CTNNA2: variants seen among roughly 807,000 people sequenced by gnomAD.
CTNNA2 encodes catenin alpha-2.
A neutral mutation model predicts 101.0 loss-of-function variants in CTNNA2; 42 were observed. That is an observed-to-expected ratio of 0.42 (90% confidence interval 0.32 to 0.54). The LOEUF (loss-of-function observed/expected upper bound fraction) is 0.54, where lower values mean the gene tolerates loss of function less well. Ranked by LOEUF, CTNNA2 falls within the 20% of genes least tolerant of loss-of-function variation. The pLI, the probability that CTNNA2 is intolerant of heterozygous loss-of-function variation, is 0.14. For missense variants in CTNNA2, 871 were observed against 1,223.1 expected, an observed-to-expected ratio of 0.71 and a Z score of 4.29; for synonymous variants, 450 against 456.4, an observed-to-expected ratio of 0.99 and a Z score of 0.18.
chr2:80,505,503 A>T (rs1688203932), intron 9 of CTNNA2, among the ~76,000 whole-genome samples: 1 of 152,226 alleles, frequency 6.6e-6, no homozygotes, highest in Non-Finnish European at 1.5e-5. Context: ...GATCATGCAT[A>T]TCAACAATTG....
At chr2:79,513,861 G>A (rs540675471) in intron 1 of CTNNA2, among the ~76,000 whole-genome samples, 1 of 152,238 alleles carries the variant, frequency 6.6e-6, no homozygotes, top group East Asian at 1.9e-4. Context: ...TTAAAATCCA[G>A]CCTTCCCTGC....
In CTNNA2 at chr2:80,075,634, ATGT is replaced by A. The variant is rs1558783528; in HGVS notation, c.1056+165838_1056+165840del. On this transcript the variant is annotated intron_variant, in intron 7 of 18. Coordinates refer to ENST00000402739, the MANE Select transcript of CTNNA2 (RefSeq NM_001282597.3). ...CATGTATAAATATAAATATTTATAC[ATGT>A]ATAAATATTATAAAAATAATATTTA... Among the ~76,000 whole-genome samples, 107 of 112,524 alleles carry A rather than the reference ATGT, an allele frequency of 9.5e-4. 8 individuals are homozygous for A. Among genetic ancestry groups the A allele is most frequent in the African/African-American group, 3.0e-3 (87 of 29,178 alleles). 73.8% of individuals were successfully genotyped at this position (112,524 alleles called of 152,430 possible).
chr2:79,294,592 T>C (rs1265688120), intron 2 of CTNNA2, among the ~76,000 whole-genome samples: 1 of 152,180 alleles, frequency 6.6e-6, no homozygotes, highest in Non-Finnish European at 1.5e-5. Context: ...ACTAACAAGA[T>C]ACCAAATAGA....
intron 7 of CTNNA2, among the ~76,000 whole-genome samples, chr2:80,003,312 A>T (rs1206475758): frequency 1.3e-5 from 2 of 151,936 alleles, no homozygotes; most frequent in Non-Finnish European, 2.9e-5. Flanking sequence ...CCTTTCATTG[A>T]TTCTGTTTTT....
intron 3 of CTNNA2, among the ~76,000 whole-genome samples, chr2:79,804,153 A>G (rs1191958915): frequency 6.6e-6 from 1 of 152,242 alleles, no homozygotes; most frequent in Non-Finnish European, 1.5e-5. Flanking sequence ...CAGATATGGG[A>G]AAACACACCT....
At chr2:79,330,144 G>A (rs1376926822) in intron 3 of CTNNA2, among the ~76,000 whole-genome samples, 1 of 151,232 alleles carries the variant, frequency 6.6e-6, no homozygotes, top group Non-Finnish European at 1.5e-5. Context: ...TGTGCTGAGA[G>A]GAGATCAGTC....
At chr2:79,555,836 T>A (rs1674411368) in intron 1 of CTNNA2, among the ~76,000 whole-genome samples, 1 of 152,258 alleles carries the variant, frequency 6.6e-6, no homozygotes, top group East Asian at 1.9e-4. Flanking sequence ...AAGACTGAGC[T>A]GAGTAAGTAA....
In CTNNA2 at chr2:80,347,838, C is replaced by CTTTTTTTT. The variant is rs778989197; in HGVS notation, c.1057-45369_1057-45368insTTTTTTTT. 1.9e-4 allele frequency among the ~76,000 whole-genome samples: 28 copies of CTTTTTTTT among 146,768 alleles called. 2 individuals are homozygous for CTTTTTTTT. The highest frequency in any genetic ancestry group is 6.2e-4 in the East Asian group (3 of 4,864). On this transcript the variant is annotated intron_variant, in intron 7 of 18. Transcript: ENST00000402739. ...CACATTATCTTTTCCTTTTTCTTTT[C>CTTTTTTTT]TTTTCTTTTTTTTTTTCCAGAAGGG... is the stretch of plus-strand genomic sequence containing the variant.
At chr2:79,255,455 C>G (rs1373789338) in intron 2 of CTNNA2, among the ~76,000 whole-genome samples, 3 of 152,168 alleles carry the variant, frequency 2.0e-5, no homozygotes, top group Non-Finnish European at 2.9e-5. Context: ...AGCTCTCAAT[C>G]TTTCGAATAG....
At chr2:80,162,383 T>C in intron 7 of CTNNA2, 11 of 1,408,026 alleles carry the variant, frequency 7.8e-6, no homozygotes, top group Non-Finnish European at 1.0e-5. Flanking sequence ...AACAAAATAT[T>C]TCCATATCAA....
At chr2:80,361,620 G>A (rs767200860) in intron 7 of CTNNA2, among the ~76,000 whole-genome samples, 2 of 152,028 alleles carry the variant, frequency 1.3e-5, no homozygotes, top group Non-Finnish European at 2.9e-5. Flanking sequence ...GACATGACAC[G>A]GTCACAACTA....
At chr2:79,469,662 A>G (rs1670977408) in intron 4 of CTNNA2, among the ~76,000 whole-genome samples, 1 of 152,226 alleles carries the variant, frequency 6.6e-6, no homozygotes, top group Admixed American at 6.5e-5. Context: ...CCAGCACCTC[A>G]TCAAAAAGCT....
intron 12 of CTNNA2, among the ~76,000 whole-genome samples, chr2:80,557,611 TGAAA>T (rs1417806436): frequency 6.6e-6 from 1 of 152,202 alleles, no homozygotes; most frequent in Non-Finnish European, 1.5e-5. Flanking sequence ...TTGTGGCAGA[TGAAA>T]GATACAGAGC....
chr2:80,178,198 C>T (rs1705519934), intron 7 of CTNNA2, among the ~76,000 whole-genome samples: 1 of 152,180 alleles, frequency 6.6e-6, no homozygotes, highest in African/African-American at 2.4e-5. Context: ...GCCCCAAGGA[C>T]CTGTTCAAGC....
chr2:80,037,049 A>G (rs1695714661), intron 7 of CTNNA2, among the ~76,000 whole-genome samples: 1 of 152,162 alleles, frequency 6.6e-6, no homozygotes, highest in Non-Finnish European at 1.5e-5. Flanking sequence ...TAGAACTGGA[A>G]AAGGAGGAAT....
intron 1 of CTNNA2, among the ~76,000 whole-genome samples, chr2:79,624,113 CT>C (rs931795515): frequency 1.3e-5 from 2 of 151,852 alleles, no homozygotes; most frequent in Non-Finnish European, 2.9e-5. Flanking sequence ...TCCCCATTTT[CT>C]TTTTCATAGC....
intron 10 of CTNNA2, among the ~76,000 whole-genome samples, 177 bp from the exon 11 acceptor site, chr2:80,545,730 T>G (rs1692002621): frequency 6.6e-6 from 1 of 152,184 alleles, no homozygotes; most frequent in Non-Finnish European, 1.5e-5. Context: ...CAAACAAAAA[T>G]TAATGGTAGT....
intron 7 of CTNNA2, among the ~76,000 whole-genome samples, chr2:80,293,285 G>A (rs1343331145): frequency 2.0e-5 from 3 of 152,180 alleles, no homozygotes; most frequent in African/African-American, 7.2e-5. Context: ...TCTGTGTGCT[G>A]CTGAGCCATC....
intron 3 of CTNNA2, among the ~76,000 whole-genome samples, chr2:79,820,385 A>T (rs960747198): frequency 6.6e-6 from 1 of 152,202 alleles, no homozygotes; most frequent in African/African-American, 2.4e-5. Flanking sequence ...GTTTACTTTC[A>T]AAAGTGGAAG....
Sources: allele counts gnomAD v4.1 joint callset (sites outside exome capture counted in the v4.1 genomes callset), GRCh38; gene constraint gnomAD v4.1.1; transcripts MANE v1.5; gene names NCBI Gene and HGNC (gene_info 2026-07-23, HGNC 2026-07-21).